The following NDST4 variants were observed in gnomAD, a reference collection of about 807,000 sequenced individuals.
NDST4 encodes N-heparan sulfate sulfotransferase 4.
Under a neutral mutation model 100.8 loss-of-function variants are expected in NDST4, and 63 were observed. The ratio of observed to expected loss-of-function variants is 0.62; its 90% CI spans 0.51 to 0.77. The LOEUF is 0.77. Among genes scored for constraint, NDST4 ranks in the 30% least tolerant of loss-of-function variants. The pLI is 0.00. For synonymous variants in NDST4, 377 were observed against 361.8 expected, an observed-to-expected ratio of 1.04 and a Z score of -0.48; for missense variants, 943 against 1,018.4, an observed-to-expected ratio of 0.93 and a Z score of 1.01.
At chr4:115,100,320 A>G (rs1289229304) in intron 1 of NDST4, among the ~76,000 whole-genome samples, 3 of 152,080 alleles carry the variant, frequency 2.0e-5, no homozygotes, top group African/African-American at 7.2e-5. Flanking sequence ...GCCCTGATGT[A>G]ATCTGTGGAC....
chr4:114,933,432 C>CTT (rs367931653), intron 6 of NDST4, among the ~76,000 whole-genome samples: 5,876 of 88,974 alleles, frequency 0.066, 244 homozygotes, highest in African/African-American at 0.12. Context: ...TTTTCTTTTC[C>CTT]TTTTTTTTTT....
intron 4 of NDST4, among the ~76,000 whole-genome samples, chr4:114,945,440 A>G (rs986210777): frequency 2.6e-5 from 4 of 152,096 alleles, no homozygotes; most frequent in Admixed American, 1.3e-4. Context: ...CCCACAATAT[A>G]TTTGAGATAA....
In NDST4 at chr4:114,905,227, A is replaced by G. The variant is rs189290384; in HGVS notation, c.1536+29979T>C. On this transcript the variant is annotated intron_variant, in intron 6 of 13. Coordinates refer to ENST00000264363, the MANE Select transcript of NDST4 (RefSeq NM_022569.3). Reference sequence around the variant, plus strand: ...GCCCTATAAAATCCCTAAATTATGTATTCCCTGGACCAGTTCATTGCTAAT... The same window carrying G: ...GCCCTATAAAATCCCTAAATTATGTGTTCCCTGGACCAGTTCATTGCTAAT... 2.7e-5 allele frequency among the ~76,000 whole-genome samples: 4 copies of G among 150,420 alleles called. No individual in the cohort carries two copies. The East Asian group carries it at 7.8e-4, about 29-fold the overall frequency.
intron 2 of NDST4, among the ~76,000 whole-genome samples, chr4:115,047,867 A>T (rs573402704): frequency 5.9e-5 from 9 of 152,270 alleles, no homozygotes; most frequent in African/African-American, 2.2e-4. Context: ...ATAAAAGAAT[A>T]TTATAAAAAT....
At chr4:115,036,326 T>G (rs1196682054) in intron 2 of NDST4, among the ~76,000 whole-genome samples, 1 of 151,094 alleles carries the variant, frequency 6.6e-6, no homozygotes, top group Admixed American at 6.6e-5. Flanking sequence ...CTGGTTGTCA[T>G]GGTTTACAGC....
chr4:115,069,813 G>A (rs1280159464), intron 2 of NDST4, among the ~76,000 whole-genome samples: 2 of 152,176 alleles, frequency 1.3e-5, no homozygotes, highest in African/African-American at 4.8e-5. Flanking sequence ...AACCTGGGAG[G>A]TGGAGGTTGC....
chr4:114,928,399 C>A (rs1340960800), intron 6 of NDST4, among the ~76,000 whole-genome samples: 3 of 152,178 alleles, frequency 2.0e-5, no homozygotes, highest in African/African-American at 7.2e-5. Flanking sequence ...CATAGCCCAT[C>A]ACCTCTCTAT....
At position 115,052,702 on chromosome 4, in the gene NDST4, T is replaced by G. The variant is rs146292903; in HGVS notation, c.978+23357A>C. Among the ~76,000 whole-genome samples, 623 of 152,244 alleles carry G rather than the reference T, an allele frequency of 4.1e-3. 6 individuals carry two copies. The highest frequency in any genetic ancestry group is 0.014 in the African/African-American group (599 of 41,544). On this transcript the variant is annotated intron_variant, in intron 2 of 13. Transcript: ENST00000264363. ...GGAACTGTGAGTCAATTAAAACTCTTTCCTTTGTAAATTACTCGGGTATGT... is the reference window on the plus strand; with the variant it reads ...GGAACTGTGAGTCAATTAAAACTCTGTCCTTTGTAAATTACTCGGGTATGT...
intron 5 of NDST4, among the ~76,000 whole-genome samples, chr4:114,936,706 C>T (rs1205531732): frequency 6.6e-6 from 1 of 152,102 alleles, no homozygotes; most frequent in Non-Finnish European, 1.5e-5. Context: ...GTTTTATTCT[C>T]ATTTATTAGG....
In NDST4 at chr4:114,827,985, C is replaced by G. The variant is rs769490167; in HGVS notation, c.2500-50G>C. The G allele has an allele frequency of 7.1e-6, 11 of 1,540,222 alleles. No individual in the cohort carries two copies. In the Admixed American group the frequency reaches 2.2e-4, roughly 31 times the overall value. On this transcript the variant is annotated intron_variant, in intron 13 of 13. Transcript: ENST00000264363. ...GAAAGAAGCTCTTTGTTTCATCAAA[C>G]AGGATATTGTAATCTATATTTCTTA...
At chr4:114,909,362 T>G (rs1725015735) in intron 6 of NDST4, among the ~76,000 whole-genome samples, 2 of 152,154 alleles carry the variant, frequency 1.3e-5, no homozygotes, top group South Asian at 2.1e-4. Flanking sequence ...TGAGACTTCT[T>G]AGAAAGCTAA....
intron 11 of NDST4, among the ~76,000 whole-genome samples, chr4:114,837,037 A>T (rs1723319803): frequency 2.6e-5 from 4 of 152,104 alleles, no homozygotes; most frequent in Admixed American, 2.6e-4. Flanking sequence ...CCAAGTGCTT[A>T]GCTTCCTTGC....
At chr4:115,106,147 T>C (rs547441880) in intron 1 of NDST4, among the ~76,000 whole-genome samples, 2 of 152,136 alleles carry the variant, frequency 1.3e-5, no homozygotes, top group South Asian at 2.1e-4. Flanking sequence ...TGGTTCACCA[T>C]GGGGGAAGAG....
chr4:115,094,445 GA>G (rs1271365154), intron 1 of NDST4, among the ~76,000 whole-genome samples: 1 of 151,676 alleles, frequency 6.6e-6, no homozygotes, highest in African/African-American at 2.4e-5. Flanking sequence ...AATAATAAGA[GA>G]AAACACAAAA....
At chr4:114,875,414 T>C (rs1724235539) in intron 6 of NDST4, among the ~76,000 whole-genome samples, 1 of 152,198 alleles carries the variant, frequency 6.6e-6, no homozygotes, top group Non-Finnish European at 1.5e-5. Context: ...ACAATACATA[T>C]ACTCAAAATA....
intron 2 of NDST4, among the ~76,000 whole-genome samples, chr4:114,996,993 A>G (rs1727179598): frequency 6.6e-6 from 1 of 152,134 alleles, no homozygotes; most frequent in Non-Finnish European, 1.5e-5. Context: ...TCTGGTACCT[A>G]TGAGGCAGCT....
chr4:114,919,472 C>T (rs1725243980), intron 6 of NDST4, among the ~76,000 whole-genome samples: 1 of 152,094 alleles, frequency 6.6e-6, no homozygotes. Context: ...CTGGAAGCAA[C>T]TTATTTCAAG....
At chr4:114,967,630 G>T (rs1414729478) in intron 4 of NDST4, among the ~76,000 whole-genome samples, 1 of 152,088 alleles carries the variant, frequency 6.6e-6, no homozygotes, top group Non-Finnish European at 1.5e-5. Context: ...TTCAAGGTAA[G>T]TGTCCTGAGA....
intron 2 of NDST4, among the ~76,000 whole-genome samples, chr4:115,012,777 T>C (rs1018844291): frequency 1.3e-5 from 2 of 151,968 alleles, no homozygotes; most frequent in Admixed American, 6.6e-5. Context: ...AGCCAAAACG[T>C]GGAAGCAATC....
Sources: allele counts gnomAD v4.1 joint callset (sites outside exome capture counted in the v4.1 genomes callset), GRCh38; gene constraint gnomAD v4.1.1; transcripts MANE v1.5; gene names NCBI Gene and HGNC (gene_info 2026-07-23, HGNC 2026-07-21).